BACC1: variants seen among roughly 807,000 people sequenced by gnomAD.
BACC1 encodes the protein BPTF-associated chromatin complex component 1.
the BACC1 span, chr17:7,017,155 C>T: frequency 4.5e-6 from 7 of 1,563,438 alleles, no homozygotes; most frequent in Non-Finnish European, 6.2e-6. Context: ...CAGCGCAGGG[C>T]ATTGGATCAG....
the BACC1 span, chr17:7,016,611 C>G: frequency 2.5e-6 from 4 of 1,614,174 alleles, no homozygotes; most frequent in Non-Finnish European, 3.4e-6. Context: ...TTGTCACCTC[C>G]TCCAGCTGCC....
the BACC1 span, chr17:7,017,312 C>T: frequency 6.2e-7 from 1 of 1,612,844 alleles, no homozygotes. Context: ...CTCCTCTCCT[C>T]TCCTGCTGAG....
the BACC1 span, chr17:7,016,909 G>C: frequency 6.2e-7 from 1 of 1,612,734 alleles, no homozygotes; most frequent in Non-Finnish European, 8.5e-7. Flanking sequence ...CCCCTTCCCA[G>C]ATGTGACACT....
chr17:7,016,351 C>A, the BACC1 span: 2 of 808,744 alleles, frequency 2.5e-6, no homozygotes, highest in Non-Finnish European at 2.0e-6. Flanking sequence ...TGTAAAACTT[C>A]GAGAAAGTGA....
chr17:7,017,305 C>T, the BACC1 span: 1 of 1,613,210 alleles, frequency 6.2e-7, no homozygotes, highest in Non-Finnish European at 8.5e-7. Context: ...GCTGATCCTC[C>T]TCTCCTCTCC....
At chr17:7,016,031 G>A in the BACC1 span, 1 of 623,978 alleles carries the variant, frequency 1.6e-6, no homozygotes, top group African/African-American at 1.9e-5. Flanking sequence ...GAATAGAATT[G>A]TCACAGTTGG....
chr17:7,016,465 C>G, the BACC1 span: 2 of 1,604,254 alleles, frequency 1.2e-6, no homozygotes, highest in Non-Finnish European at 1.7e-6. Context: ...CTGATGACTC[C>G]TTTCCTAACC....
chr17:7,015,600 C>G, the BACC1 span: 1 of 1,375,272 alleles, frequency 7.3e-7, no homozygotes, highest in Admixed American at 2.8e-5. Flanking sequence ...TCCCGGTTCC[C>G]GCAGGGCCTC....
chr17:7,015,799 G>A, the BACC1 span: 2 of 1,614,102 alleles, frequency 1.2e-6, no homozygotes, highest in Middle Eastern at 1.6e-4. Context: ...GACGGAAATA[G>A]AGATGCTGAG....
chr17:7,015,889 G>A, the BACC1 span: 1 of 1,611,420 alleles, frequency 6.2e-7, no homozygotes, highest in Non-Finnish European at 8.5e-7. Context: ...AGGGAGGGTG[G>A]CTGCCAGAAA....
the BACC1 span, chr17:7,017,440 G>A: frequency 6.0e-4 from 557 of 932,032 alleles, 1 homozygote; most frequent in Middle Eastern, 8.9e-3. Flanking sequence ...CGCTATTCCC[G>A]CATAAGCATC....
chr17:7,016,562 T>C, the BACC1 span: 3 of 1,614,050 alleles, frequency 1.9e-6, 1 homozygote, highest in South Asian at 1.1e-5. Context: ...TCCAGCTGAG[T>C]CACCCAAGAA....
At chr17:7,015,835 G>T in the BACC1 span, 1 of 1,614,136 alleles carries the variant, frequency 6.2e-7, no homozygotes. Context: ...ATTTGGGGAC[G>T]ATCTTAATCA....
the BACC1 span, chr17:7,014,817 AGCG>A: frequency 5.1e-5 from 77 of 1,523,980 alleles, no homozygotes; most frequent in East Asian, 1.8e-4. This position sits in a 1 kb window ranked among gnomAD's most constrained non-coding sequence, Gnocchi z 4.5. Flanking sequence ...GCTCGCGTGT[AGCG>A]GCGGCGGCGG....
At chr17:7,015,043 G>A in the BACC1 span, 2 of 1,491,042 alleles carry the variant, frequency 1.3e-6, no homozygotes, top group Admixed American at 2.5e-5. Context: ...GGCCCCCCGT[G>A]ACGCTGCCCC....
the BACC1 span, chr17:7,015,329 A>G: frequency 1.5e-5 from 20 of 1,376,120 alleles, no homozygotes; most frequent in South Asian, 3.4e-5. Context: ...ACAGATAAAA[A>G]TACAGACAGG....
chr17:7,015,729 ACCCCCCCTCCCATTTTTGCTATC>A, the BACC1 span: 7 of 1,550,468 alleles, frequency 4.5e-6, no homozygotes, highest in African/African-American at 6.8e-5. Flanking sequence ...CGGGCTCCAC[ACCCCCCCTCCCATTTTTGCTATC>A]CCCCCTCTCC....
At chr17:7,016,439 T>G in the BACC1 span, 1 of 1,573,264 alleles carries the variant, frequency 6.4e-7, no homozygotes, top group African/African-American at 1.4e-5. Context: ...TCCCGTCCCC[T>G]CTTCTGTTAG....
At chr17:7,014,838 G>C in the BACC1 span, 5 of 1,529,726 alleles carry the variant, frequency 3.3e-6, no homozygotes, top group African/African-American at 4.3e-5. The surrounding 1 kb of genome is among the most constrained non-coding windows in gnomAD (Gnocchi z 4.5). Context: ...CGGCGTCTCC[G>C]TGAGGAGGCG....
Sources: gnomAD v4.1 joint callset for allele counts on GRCh38, gnomAD v4.1.1 for gene constraint, Gnocchi (gnomAD v3.1) non-coding constraint, MANE v1.5 for transcripts, NCBI Gene and HGNC (gene_info 2026-07-23, HGNC 2026-07-21) for gene names.